The following CDH1 variants were observed in gnomAD, a reference collection of about 807,000 sequenced individuals.
CDH1 encodes cadherin-1.
Under a neutral mutation model 84.5 loss-of-function variants are expected in CDH1, and 35 were observed. The ratio of observed to expected loss-of-function variants is 0.41; its 90% CI spans 0.32 to 0.55. CDH1 has a LOEUF of 0.55. Ranked by LOEUF, CDH1 falls within the 20% of genes least tolerant of loss-of-function variation. The pLI is 0.19. For missense variants in CDH1, 994 were observed against 1,126.6 expected (o/e 0.88, Z 1.68); for synonymous variants, 417 against 439.0 (o/e 0.95, Z 0.63).
Position 68,768,168 on chromosome 16 carries a change from A to C in CDH1, c.163+29757A>C, listed in dbSNP as rs974329903. 6.6e-5 allele frequency among the ~76,000 whole-genome samples: 10 copies of C among 152,148 alleles called. 1 individual carries two copies. The South Asian group carries it at 8.3e-4, about 13-fold the overall frequency. ...TCCACGTTGATCAGGCTGGTCTCGA[A>C]GTCCTGACCTCAGGTGATCTGTCCG... On this transcript the variant is annotated intron_variant, in intron 2 of 15. Coordinates refer to ENST00000261769, the MANE Select transcript of CDH1 (RefSeq NM_004360.5).
chr16:68,769,026 C>T (rs552648831), intron 2 of CDH1, among the ~76,000 whole-genome samples: 25 of 152,248 alleles, frequency 1.6e-4, no homozygotes, highest in African/African-American at 5.8e-4. Flanking sequence ...CATCTATACC[C>T]TTGTCACTGT....
At chr16:68,742,855 C>G (rs905136237) in intron 2 of CDH1, among the ~76,000 whole-genome samples, 1 of 152,222 alleles carries the variant, frequency 6.6e-6, no homozygotes, top group African/African-American at 2.4e-5. Flanking sequence ...ATCCCCACCC[C>G]CTACCCCTCA....
Position 68,823,172 on chromosome 16 carries a change from T to G in CDH1, c.1937-227T>G. 5.7e-6 allele frequency: 3 copies of G among 524,224 alleles called. No individual in the cohort carries two copies. The South Asian group carries it at 6.3e-5, about 11-fold the overall frequency. The allele number at this position is 524,224 out of a possible 1,614,324, so 32.5% of individuals were successfully genotyped here. On this transcript the variant is annotated intron_variant, in intron 12 of 15. Coordinates refer to ENST00000261769, the MANE Select transcript of CDH1 (RefSeq NM_004360.5). ...CTCTCCCTCCAGCCACTAGGCAGCT[T>G]TTTTAAACCAACTCTAGAGCCCTCT...
At chr16:68,762,771 T>A (rs1344043386) in intron 2 of CDH1, among the ~76,000 whole-genome samples, 1 of 151,634 alleles carries the variant, frequency 6.6e-6, no homozygotes, top group Admixed American at 6.6e-5. Flanking sequence ...TATCCGGGCG[T>A]GTTGGTGGGC....
chr16:68,767,537 C>G (rs919130104), intron 2 of CDH1, among the ~76,000 whole-genome samples: 10 of 152,282 alleles, frequency 6.6e-5, no homozygotes, highest in African/African-American at 1.9e-4. Context: ...TTGGGATTCC[C>G]CAGAGATGGG....
At chr16:68,804,926 G>C (rs775443133) in intron 3 of CDH1, among the ~76,000 whole-genome samples, 15 of 143,058 alleles carry the variant, frequency 1.0e-4, no homozygotes, top group Middle Eastern at 3.8e-3. Context: ...GACCTCCCAG[G>C]CTCAAGCAAT....
intron 2 of CDH1, among the ~76,000 whole-genome samples, chr16:68,767,900 G>C (rs1303166821): frequency 6.6e-6 from 1 of 152,096 alleles, no homozygotes; most frequent in Non-Finnish European, 1.5e-5. Flanking sequence ...TTCCAGACCA[G>C]CTGGGGCAAC....
At chr16:68,798,658 G>A (rs972629062) in intron 2 of CDH1, among the ~76,000 whole-genome samples, 7 of 152,142 alleles carry the variant, frequency 4.6e-5, no homozygotes, top group Non-Finnish European at 8.8e-5. Flanking sequence ...AATCATGCTT[G>A]TCTCAACTTT....
intron 2 of CDH1, among the ~76,000 whole-genome samples, chr16:68,791,424 C>T (rs564266400): frequency 9.2e-5 from 14 of 151,908 alleles, no homozygotes; most frequent in Middle Eastern, 3.4e-3. Context: ...TACTTTTTTT[C>T]GTTTTCTTTC....
chr16:68,815,372 C>A, intron 9 of CDH1, 143 bp from the exon 10 acceptor site: 1 of 1,027,860 alleles, frequency 9.7e-7, no homozygotes. Flanking sequence ...GTGGTTTCTG[C>A]CATTGAAAGT....
intron 2 of CDH1, among the ~76,000 whole-genome samples, chr16:68,789,869 G>C (rs1055836737): frequency 6.6e-6 from 1 of 152,098 alleles, no homozygotes; most frequent in South Asian, 2.1e-4. Flanking sequence ...AGACCTGCCC[G>C]ACCAACATGG....
intron 2 of CDH1, among the ~76,000 whole-genome samples, chr16:68,770,517 C>T (rs562561781): frequency 3.3e-5 from 5 of 152,094 alleles, no homozygotes; most frequent in East Asian, 1.9e-4. Flanking sequence ...GCACCAGCCT[C>T]GCACCTTCAG....
chr16:68,786,418 T>G (rs1198873321), intron 2 of CDH1, among the ~76,000 whole-genome samples: 3 of 151,838 alleles, frequency 2.0e-5, no homozygotes, highest in African/African-American at 7.3e-5. Flanking sequence ...GCGATCCACA[T>G]GCCTTGGCCT....
At chr16:68,811,913 A>G (rs1960847146) in intron 7 of CDH1, 54 bp downstream of exon 7, 3 of 1,593,672 alleles carry the variant, frequency 1.9e-6, no homozygotes, top group Non-Finnish European at 2.6e-6. Context: ...TATTAGCTCA[A>G]TCCCGTGGAC....
At chr16:68,813,809 G>A (rs6499198) in intron 9 of CDH1, among the ~76,000 whole-genome samples, 14,709 of 152,064 alleles carry the variant, frequency 0.097, 802 homozygotes, top group Non-Finnish European at 0.13. Flanking sequence ...GCACGTGCCT[G>A]TAATCTCAGC....
chr16:68,805,074 A>G (rs889625875), intron 3 of CDH1, among the ~76,000 whole-genome samples: 1 of 149,874 alleles, frequency 6.7e-6, no homozygotes, highest in African/African-American at 2.5e-5. Flanking sequence ...AATTTGTGTA[A>G]GAATAGATCT....
intron 2 of CDH1, among the ~76,000 whole-genome samples, chr16:68,780,879 A>G (rs1311989676): frequency 6.6e-6 from 1 of 152,166 alleles, no homozygotes; most frequent in Non-Finnish European, 1.5e-5. Context: ...TTCTGGGAAA[A>G]GTGAGTCTCT....
At chr16:68,827,587 C>A (rs1269762283) in intron 13 of CDH1, among the ~76,000 whole-genome samples, 1 of 152,004 alleles carries the variant, frequency 6.6e-6, no homozygotes, top group African/African-American at 2.4e-5. Flanking sequence ...AAGAACATAC[C>A]AGGCAATTTT....
At chr16:68,800,477 C>T (rs893778299) in intron 2 of CDH1, among the ~76,000 whole-genome samples, 1 of 152,208 alleles carries the variant, frequency 6.6e-6, no homozygotes, top group Admixed American at 6.5e-5. Context: ...ATGAAAACTG[C>T]TGCCTAGGCG....
Sources: allele counts gnomAD v4.1 joint callset (sites outside exome capture counted in the v4.1 genomes callset), GRCh38; gene constraint gnomAD v4.1.1; transcripts MANE v1.5; gene names NCBI Gene and HGNC (gene_info 2026-07-23, HGNC 2026-07-21).